Variants in VIPR2 observed in about 807,000 individuals in gnomAD.
The protein encoded by VIPR2 is vasoactive intestinal polypeptide receptor 2.
Under a neutral mutation model 58.0 loss-of-function variants are expected in VIPR2, and 48 were observed. The ratio of observed to expected loss-of-function variants is 0.83; its 90% CI spans 0.66 to 1.05. The LOEUF is 1.05. Among genes scored for constraint, VIPR2 ranks in the 50% least tolerant of loss-of-function variants. The pLI, the probability that VIPR2 is intolerant of heterozygous loss-of-function variation, is 0.00. For missense variants in VIPR2, 534 were observed against 558.0 expected (o/e 0.96, Z 0.43); for synonymous variants, 243 against 235.2 (o/e 1.03, Z -0.30).
chr7:159,032,159 G>A (rs1853634888), intron 10 of VIPR2, 92 bp from the exon 11 acceptor site: 12 of 1,544,218 alleles, frequency 7.8e-6, no homozygotes, highest in Non-Finnish European at 1.1e-5. Flanking sequence ...GCAGCTGGGT[G>A]TGGGAGGGGC....
chr7:159,118,385 T>C (rs1443620248), intron 2 of VIPR2, among the ~76,000 whole-genome samples: 3 of 152,176 alleles, frequency 2.0e-5, no homozygotes, highest in Non-Finnish European at 4.4e-5. Flanking sequence ...GAGCTGCATG[T>C]GAAAGCAGTC....
At chr7:159,092,160 A>G (rs979170228) in intron 4 of VIPR2, among the ~76,000 whole-genome samples, 2 of 152,224 alleles carry the variant, frequency 1.3e-5, no homozygotes, top group Admixed American at 6.5e-5. Context: ...TCCCACCTGC[A>G]CAGACTGCCC....
intron 10 of VIPR2, among the ~76,000 whole-genome samples, chr7:159,032,689 A>C (rs749178130): frequency 6.6e-6 from 1 of 152,104 alleles, no homozygotes; most frequent in Non-Finnish European, 1.5e-5. Context: ...CACAGAAAGG[A>C]CCTCGTGTGG....
chr7:159,136,669 C>T (rs147418799), intron 2 of VIPR2, among the ~76,000 whole-genome samples: 2,469 of 152,138 alleles, frequency 0.016, 68 homozygotes, highest in African/African-American at 0.055. Flanking sequence ...CAAGAACCCC[C>T]GCGTCAACAC....
chr7:159,075,381 T>G (rs1856584448), intron 4 of VIPR2, among the ~76,000 whole-genome samples: 1 of 152,256 alleles, frequency 6.6e-6, no homozygotes. Context: ...TCCTCTTTCA[T>G]AGCATATAAA....
chr7:159,081,084 C>A (rs1231373206), intron 4 of VIPR2, among the ~76,000 whole-genome samples: 3 of 152,292 alleles, frequency 2.0e-5, no homozygotes, highest in African/African-American at 7.2e-5. Flanking sequence ...ATCAAGCTAC[C>A]AATGACTTTC....
chr7:159,031,413 G>GGCAGAACGCAGGGGAGGAA lies in VIPR2; in HGVS notation c.1143+414_1143+415insTTCCTCCCCTGCGTTCTGC, dbSNP rs1853574610. 1.0e-6 allele frequency: 1 copy of GGCAGAACGCAGGGGAGGAA among 983,094 alleles called. No individual in the cohort carries two copies. The highest frequency in any genetic ancestry group is 4.7e-5 in the South Asian group (1 of 21,254). 60.9% of individuals were successfully genotyped at this position (983,094 alleles called of 1,614,324 possible). ...GGGAATGAACGCAGGGCAGAGCTCGGCTCCGGGCTTCCTCCCCAGGGACTC... is the reference window on the plus strand; with the variant it reads ...GGGAATGAACGCAGGGCAGAGCTCGGGCAGAACGCAGGGGAGGAACTCCGGGCTTCCTCCCCAGGGACTC... On this transcript the variant is annotated intron_variant, in intron 12 of 12. Transcript: ENST00000262178. This position sits in a 1 kb window ranked among gnomAD's most constrained non-coding sequence, Gnocchi z 4.0.
intron 5 of VIPR2, among the ~76,000 whole-genome samples, chr7:159,044,577 T>A: frequency 7.8e-6 from 1 of 128,234 alleles, no homozygotes; most frequent in African/African-American, 2.8e-5. Flanking sequence ...GTCTTAAATA[T>A]GCTTAAAGAG....
intron 4 of VIPR2, among the ~76,000 whole-genome samples, chr7:159,076,416 C>G (rs532665572): frequency 6.6e-6 from 1 of 152,142 alleles, no homozygotes; most frequent in Non-Finnish European, 1.5e-5. Flanking sequence ...CCAAAAGTAT[C>G]CTTACAGTGC....
chr7:159,124,446 A>T (rs1047371425), intron 2 of VIPR2, among the ~76,000 whole-genome samples: 9 of 152,182 alleles, frequency 5.9e-5, no homozygotes, highest in African/African-American at 2.2e-4. Context: ...GTTGAAGATC[A>T]GATGATAATA....
intron 4 of VIPR2, among the ~76,000 whole-genome samples, chr7:159,060,803 C>T (rs541613174): frequency 1.3e-5 from 2 of 152,354 alleles, no homozygotes; most frequent in African/African-American, 4.8e-5. Flanking sequence ...CCTCACATCA[C>T]GTAACCACCA....
chr7:159,120,676 T>C (rs1352603115), intron 2 of VIPR2, among the ~76,000 whole-genome samples: 8 of 152,132 alleles, frequency 5.3e-5, no homozygotes, highest in Admixed American at 4.6e-4. Context: ...CACCACTGCA[T>C]AGTAACAGGC....
At chr7:159,120,456 T>C (rs1794536698) in intron 2 of VIPR2, among the ~76,000 whole-genome samples, 1 of 152,190 alleles carries the variant, frequency 6.6e-6, no homozygotes, top group African/African-American at 2.4e-5. Flanking sequence ...CACACCAGGC[T>C]GCCCTGGGCC....
intron 2 of VIPR2, among the ~76,000 whole-genome samples, chr7:159,134,307 G>A (rs1797105334): frequency 6.6e-6 from 1 of 152,088 alleles, no homozygotes; most frequent in Non-Finnish European, 1.5e-5. Flanking sequence ...GAATTAACAT[G>A]TGTAATTAAA....
intron 4 of VIPR2, among the ~76,000 whole-genome samples, chr7:159,101,248 CG>C (rs1198131644): frequency 7.1e-6 from 1 of 141,128 alleles, no homozygotes; most frequent in African/African-American, 2.8e-5. Context: ...TGATAGTGAA[CG>C]GGTCTCACGA....
chr7:159,082,259 C>T (rs113531517), intron 4 of VIPR2, among the ~76,000 whole-genome samples: 54,940 of 151,616 alleles, frequency 0.36, 12,181 homozygotes, highest in African/African-American at 0.63. Flanking sequence ...ATGTGGCACA[C>T]ATACACCATG....
At chr7:159,092,425 G>A (rs1177831373) in intron 4 of VIPR2, among the ~76,000 whole-genome samples, 1 of 152,176 alleles carries the variant, frequency 6.6e-6, no homozygotes, top group Admixed American at 6.5e-5. Context: ...TTCTCCTCAA[G>A]ATGACAGGGT....
chr7:159,144,314 G>T (rs1194653705), intron 1 of VIPR2: 1 of 1,513,402 alleles, frequency 6.6e-7, no homozygotes, highest in Admixed American at 2.1e-5. Context: ...GTACAGGGAG[G>T]GACCGAGAGG....
At chr7:159,103,192 C>G (rs533181975) in intron 4 of VIPR2, among the ~76,000 whole-genome samples, 39 of 152,346 alleles carry the variant, frequency 2.6e-4, no homozygotes, top group African/African-American at 8.9e-4. Context: ...AGCTCCAGAT[C>G]ACTGCAGCAA....
Sources: allele counts gnomAD v4.1 joint callset (sites outside exome capture counted in the v4.1 genomes callset), GRCh38; gene constraint gnomAD v4.1.1; non-coding constraint Gnocchi (gnomAD v3.1); transcripts MANE v1.5; gene names NCBI Gene and HGNC (gene_info 2026-07-23, HGNC 2026-07-21).